DNAI3: variants seen among roughly 807,000 people sequenced by gnomAD.
The protein encoded by DNAI3 is dynein axonemal intermediate chain 3, also known as WD repeat domain 63.
Under a neutral mutation model 115.5 loss-of-function variants are expected in DNAI3, and 83 were observed. That is an observed-to-expected ratio of 0.72 (90% CI 0.60 to 0.86). The LOEUF (loss-of-function observed/expected upper bound fraction) is 0.86, where lower values mean the gene tolerates loss of function less well. DNAI3 is among the 40% of genes least tolerant of loss of function. The probability of loss-of-function intolerance (pLI) is 0.00; values close to 1 mark genes in which losing one functional copy is unlikely to be tolerated. For missense variants in DNAI3, 1,004 were observed against 1,075.8 expected, an observed-to-expected ratio of 0.93 and a Z score of 0.93; for synonymous variants, 320 against 347.0, an observed-to-expected ratio of 0.92 and a Z score of 0.86.
Position 85,095,943 on chromosome 1 carries a change from A to T in DNAI3, c.1186A>T (p.Ser396Cys). ...GGGTTTACTTTAGTTAATGCTGGAG[A>T]GCCCAGATGACATCTTCTGCTTCAA... ...DPIHPQLMLE[S>C]PDDIFCFKFC... Residue 396 changes from serine to cysteine, a missense_variant, in exon 11 of 23, where the codon AGC becomes TGC. Coordinates refer to ENST00000294664, the MANE Select transcript of DNAI3 (RefSeq NM_145172.5). 6.2e-7 allele frequency: 1 copy of T among 1,613,864 alleles called. No individual in the cohort carries two copies. The highest frequency in any genetic ancestry group is 1.1e-5 in the South Asian group (1 of 91,084).
At chr1:85,091,253 A>G (rs933344422) in intron 8 of DNAI3, among the ~76,000 whole-genome samples, 2 of 152,214 alleles carry the variant, frequency 1.3e-5, no homozygotes, top group African/African-American at 4.8e-5. Context: ...TTTACATATA[A>G]TCAATATCCA....
chr1:85,091,132 C>CT (rs1217546708), intron 8 of DNAI3, among the ~76,000 whole-genome samples: 2 of 152,040 alleles, frequency 1.3e-5, no homozygotes, highest in Admixed American at 6.6e-5. Context: ...ATAATTTTTG[C>CT]TATACGGGCA....
At position 85,068,127 on chromosome 1, in the gene DNAI3, CTT is replaced by C. The variant is rs10717211; in HGVS notation, c.-14-3788_-14-3787del. Among the ~76,000 whole-genome samples, 332 of 147,402 alleles carry C rather than the reference CTT, an allele frequency of 2.3e-3. 3 individuals are homozygous for C. The highest frequency in any genetic ancestry group is 3.1e-3 in the African/African-American group (125 of 40,118). ...GAGGACCAAGGAGTTATTAATCTAA[CTT>C]TTTTTTTTTTTTAGTATGTTCACTG... On this transcript the variant is annotated intron_variant, in intron 1 of 22. Transcript: ENST00000294664.
chr1:85,102,016 G>A (rs1442374602), intron 13 of DNAI3, among the ~76,000 whole-genome samples: 3 of 151,836 alleles, frequency 2.0e-5, no homozygotes, highest in African/African-American at 4.8e-5. Context: ...GCAACATGGC[G>A]AAACCCCGTA....
chr1:85,084,250 GTATATATATATATA>G (rs33956396), intron 5 of DNAI3, among the ~76,000 whole-genome samples: 1 of 85,040 alleles, frequency 1.2e-5, no homozygotes, highest in Non-Finnish European at 2.6e-5. Flanking sequence ...TCAGCAGTGT[GTATATATATATATA>G]TATATATATA....
chr1:85,114,378 G>T (rs1571193590), intron 16 of DNAI3, among the ~76,000 whole-genome samples: 2 of 152,284 alleles, frequency 1.3e-5, no homozygotes, highest in East Asian at 3.9e-4. Flanking sequence ...ACTAGTTATA[G>T]TGGCTTCTTT....
chr1:85,086,113 T>G, intron 7 of DNAI3, 83 bp downstream of exon 7: 2 of 1,252,434 alleles, frequency 1.6e-6, no homozygotes, highest in Non-Finnish European at 2.2e-6. Context: ...GAGAGCTCTT[T>G]ATAATAAATA....
intron 16 of DNAI3, among the ~76,000 whole-genome samples, chr1:85,112,261 T>C (rs530821953): frequency 2.8e-4 from 43 of 152,068 alleles, no homozygotes; most frequent in Non-Finnish European, 5.4e-4. Flanking sequence ...AATTAATTCA[T>C]GTTGTCTGAA....
chr1:85,111,812 A>T (rs1261308384), intron 16 of DNAI3, among the ~76,000 whole-genome samples: 1 of 152,164 alleles, frequency 6.6e-6, no homozygotes, highest in African/African-American at 2.4e-5. Context: ...CATACAATGA[A>T]CTGCATATTG....
intron 16 of DNAI3, among the ~76,000 whole-genome samples, chr1:85,115,114 T>C (rs929151047): frequency 6.6e-6 from 1 of 152,244 alleles, no homozygotes; most frequent in East Asian, 1.9e-4. Flanking sequence ...AATGTATTAT[T>C]TGACCAAGTT....
intron 18 of DNAI3, among the ~76,000 whole-genome samples, chr1:85,122,615 A>G (rs1402497563): frequency 6.6e-6 from 1 of 152,214 alleles, no homozygotes; most frequent in East Asian, 1.9e-4. Flanking sequence ...AAGGCTTGCA[A>G]GAAGTCTTCA....
At chr1:85,112,915 T>A (rs1655699164) in intron 16 of DNAI3, among the ~76,000 whole-genome samples, 1 of 152,146 alleles carries the variant, frequency 6.6e-6, no homozygotes, top group Admixed American at 6.5e-5. Context: ...ATTATAGGCA[T>A]GTGCCACCAA....
At chr1:85,097,677 A>C in intron 12 of DNAI3, 22 bp downstream of exon 12, 2 of 1,594,462 alleles carry the variant, frequency 1.3e-6, no homozygotes, top group Non-Finnish European at 8.5e-7. Flanking sequence ...ACAACATTTC[A>C]CTTGCAAGTT....
chr1:85,094,308 A>C, intron 9 of DNAI3, 123 bp from the exon 10 acceptor site: 1 of 1,333,572 alleles, frequency 7.5e-7, no homozygotes, highest in Non-Finnish European at 1.0e-6. Context: ...AGCTCTAAGA[A>C]AACTCTTGCT....
At chr1:85,132,703 G>T in intron 22 of DNAI3, 152 bp from the exon 23 acceptor site, 1 of 677,192 alleles carries the variant, frequency 1.5e-6, no homozygotes. Context: ...ACTGCCTCCT[G>T]CCCACCTGCC....
chr1:85,101,955 A>G (rs915218308), intron 13 of DNAI3, among the ~76,000 whole-genome samples: 3 of 151,750 alleles, frequency 2.0e-5, no homozygotes, highest in African/African-American at 7.3e-5. Context: ...TATAATTCCA[A>G]CACTAGGAGG....
At chr1:85,115,139 C>T (rs1292669868) in intron 16 of DNAI3, among the ~76,000 whole-genome samples, 1 of 152,194 alleles carries the variant, frequency 6.6e-6, no homozygotes, top group African/African-American at 2.4e-5. Flanking sequence ...TACTTTACCT[C>T]TCTGTACCTT....
At chr1:85,084,716 C>G in intron 6 of DNAI3, 21 bp downstream of exon 6, 5 of 1,441,942 alleles carry the variant, frequency 3.5e-6, no homozygotes, top group Non-Finnish European at 2.7e-6. Flanking sequence ...TATATATGAT[C>G]TGTAATCATT....
At chr1:85,120,003 T>C (rs1205605226) in intron 17 of DNAI3, among the ~76,000 whole-genome samples, 1 of 152,214 alleles carries the variant, frequency 6.6e-6, no homozygotes, top group East Asian at 1.9e-4. Flanking sequence ...CCCGGCCTTT[T>C]TTCTCATCCT....
Sources: allele counts gnomAD v4.1 joint callset (sites outside exome capture counted in the v4.1 genomes callset), GRCh38; gene constraint gnomAD v4.1.1; transcripts MANE v1.5; gene names NCBI Gene and HGNC (gene_info 2026-07-23, HGNC 2026-07-21).